The following SLC30A9 variants were observed in gnomAD, a reference collection of about 807,000 sequenced individuals.
The protein encoded by SLC30A9 is proton-coupled zinc antiporter SLC30A9, mitochondrial.
Under a neutral mutation model 87.5 loss-of-function variants are expected in SLC30A9, and 58 were observed. That is an observed-to-expected ratio of 0.66 (90% confidence interval 0.54 to 0.82). The LOEUF is 0.82. Among genes scored for constraint, SLC30A9 ranks in the 40% least tolerant of loss-of-function variants. SLC30A9 has a pLI of 0.00. For missense variants in SLC30A9, 557 were observed against 679.1 expected (o/e 0.82, Z 2.00); for synonymous variants, 234 against 233.0 (o/e 1.00, Z -0.04).
chr4:42,040,438 T>C (rs949089941), intron 8 of SLC30A9, among the ~76,000 whole-genome samples: 4 of 152,006 alleles, frequency 2.6e-5, no homozygotes, highest in Non-Finnish European at 5.9e-5. Flanking sequence ...AGTATATAGA[T>C]GATAACTAAA....
intron 9 of SLC30A9, among the ~76,000 whole-genome samples, chr4:42,055,575 A>G (rs1191348271): frequency 1.3e-5 from 2 of 152,136 alleles, no homozygotes; most frequent in Non-Finnish European, 2.9e-5. Flanking sequence ...TGCAGTACAG[A>G]CAGGGTTTCA....
At chr4:42,056,280 A>G (rs1048799315) in intron 9 of SLC30A9, among the ~76,000 whole-genome samples, 4 of 152,134 alleles carry the variant, frequency 2.6e-5, no homozygotes, top group Admixed American at 2.6e-4. Context: ...TTTAATGTAC[A>G]GGTGTGTATT....
rs201202647 is a variant in SLC30A9 at position 42,033,291 on chromosome 4, CTT to C, written c.611-1983_611-1982del. 6.3e-3 allele frequency among the ~76,000 whole-genome samples: 955 copies of C among 151,742 alleles called. 5 individuals are homozygous for C. Among genetic ancestry groups the C allele is most frequent in the African/African-American group, 0.012 (515 of 41,398 alleles). ...GTCCTTTCCACTCTAAGTCCTCTCTCTTGTATAAGTAACTGTTTTAAAGTTTT... is the reference window on the plus strand; with the variant it reads ...GTCCTTTCCACTCTAAGTCCTCTCTCGTATAAGTAACTGTTTTAAAGTTTT... On this transcript the variant is annotated intron_variant, in intron 6 of 17. Coordinates refer to ENST00000264451, the MANE Select transcript of SLC30A9 (RefSeq NM_006345.4).
At chr4:42,043,071 A>G (rs1042363554) in intron 8 of SLC30A9, among the ~76,000 whole-genome samples, 1 of 152,182 alleles carries the variant, frequency 6.6e-6, no homozygotes, top group Non-Finnish European at 1.5e-5. Context: ...CCCCATCCAA[A>G]AGTCACCAAC....
intron 9 of SLC30A9, among the ~76,000 whole-genome samples, chr4:42,059,311 A>G (rs995515754): frequency 1.3e-5 from 2 of 152,200 alleles, no homozygotes; most frequent in African/African-American, 2.4e-5. Context: ...AGGTAGTCTT[A>G]TGATGTGATT....
chr4:42,063,022 A>C lies in SLC30A9; in HGVS notation c.933A>C (p.Leu311=). The C allele has an allele frequency of 6.2e-7, 1 of 1,613,324 alleles. No homozygotes were observed. The highest frequency in any genetic ancestry group is 1.1e-5 in the South Asian group (1 of 91,028). ...GFSNMRYISS[L]ISGVGIFMMG... ...CAAATATGCGCTATATTTCTTCGCT[A>C]ATTAGTGGTGTTGGTATTTTCATGA... The change falls in exon 11 of 18, where the codon CTA becomes CTC. Residue 311 remains leucine (L), a synonymous_variant. Transcript: ENST00000264451.
intron 4 of SLC30A9, 183 bp downstream of exon 4, chr4:42,020,698 C>T: frequency 2.2e-6 from 1 of 464,762 alleles, no homozygotes; most frequent in South Asian, 3.9e-5. Context: ...AAACTGAATC[C>T]TGCCCCAGCA....
intron 9 of SLC30A9, among the ~76,000 whole-genome samples, chr4:42,056,019 A>G (rs1005720073): frequency 2.0e-5 from 3 of 152,262 alleles, no homozygotes; most frequent in Admixed American, 1.3e-4. Flanking sequence ...AAGGATACAT[A>G]TCAAATATAA....
At position 42,033,749 on chromosome 4, in the gene SLC30A9, G is replaced by A. The variant is rs924768272; in HGVS notation, c.611-1526G>A. Among the ~76,000 whole-genome samples, 3 of 152,202 alleles carry A rather than the reference G, an allele frequency of 2.0e-5. No homozygotes were observed. The East Asian group carries it at 5.8e-4, about 29-fold the overall frequency. ...TGCCACCATGCCTGGCTAATTTTTT[G>A]TATTTTTAGTAGAGACGGGGTTTCA... On this transcript the variant is annotated intron_variant, in intron 6 of 17. Transcript: ENST00000264451.
intron 13 of SLC30A9, among the ~76,000 whole-genome samples, chr4:42,066,869 A>G (rs532107740): frequency 6.6e-6 from 1 of 152,324 alleles, no homozygotes; most frequent in African/African-American, 2.4e-5. Context: ...ATATAACTTG[A>G]GAAAGTAATT....
At chr4:42,074,380 T>G (rs1214311336) in intron 15 of SLC30A9, among the ~76,000 whole-genome samples, 1 of 152,142 alleles carries the variant, frequency 6.6e-6, no homozygotes, top group Non-Finnish European at 1.5e-5. Flanking sequence ...TTCAGAGTGT[T>G]TTGTTATTTC....
At position 42,089,304 on chromosome 4, in the gene SLC30A9, C is replaced by T. The variant is rs1466278659; in HGVS notation, c.*3178C>T. 1 of 152,174 alleles carries T rather than the reference C, an allele frequency of 6.6e-6. No homozygotes were observed. The highest frequency in any genetic ancestry group is 6.6e-5 in the Admixed American group (1 of 15,260). 9.4% of individuals were successfully genotyped at this position (152,174 alleles called of 1,614,324 possible). On this transcript the variant is annotated 3_prime_UTR_variant, in exon 18 of 18. Transcript: ENST00000264451. Reference sequence around the variant, plus strand: ...AATAATAAGTAAAAAGCATCTGTACCTACTTTTAGCTTTGGCTGAGAATGG... The same window carrying T: ...AATAATAAGTAAAAAGCATCTGTACTTACTTTTAGCTTTGGCTGAGAATGG...
chr4:42,037,045 A>G (rs1192533414), intron 7 of SLC30A9, among the ~76,000 whole-genome samples: 4 of 143,300 alleles, frequency 2.8e-5, no homozygotes, highest in Admixed American at 7.5e-5. Flanking sequence ...CAACTTTTGA[A>G]TATTCCATGT....
At position 42,040,811 on chromosome 4, in the gene SLC30A9, GA is replaced by G. The variant is rs1369965987; in HGVS notation, c.737+1763del. 3.8e-3 allele frequency among the ~76,000 whole-genome samples: 39 copies of G among 10,146 alleles called. 1 individual carries two copies. The highest frequency in any genetic ancestry group is 0.017 in the Admixed American group (10 of 598). The allele number at this position is 10,146 out of a possible 152,430, so 6.7% of individuals were successfully genotyped here. On this transcript the variant is annotated intron_variant, in intron 8 of 17. Coordinates refer to ENST00000264451, the MANE Select transcript of SLC30A9 (RefSeq NM_006345.4). ...ACTCTGTCTCAAAAAAAAAAAAAAAGAAAAAGAAAAAGGTGGAGGAAAAAGT... is the reference window on the plus strand; with the variant it reads ...ACTCTGTCTCAAAAAAAAAAAAAAAGAAAAGAAAAAGGTGGAGGAAAAAGT...
intron 10 of SLC30A9, 94 bp downstream of exon 10, chr4:42,060,340 C>A: frequency 2.1e-6 from 2 of 940,718 alleles, no homozygotes; most frequent in Non-Finnish European, 1.7e-6. Context: ...TATGTACCTG[C>A]AGTTTGTTCA....
intron 6 of SLC30A9, chr4:42,029,593 G>A: frequency 1.4e-6 from 1 of 701,560 alleles, no homozygotes. Flanking sequence ...TGAAAATTGT[G>A]ACAATGTGCC....
Position 42,086,452 on chromosome 4 carries a change from C to G in SLC30A9, c.*326C>G. ...TATACTGTACTTTGCAATCATCTTT[C>G]CTTTTTTCACATTGGTAAAAATAAG... is the stretch of plus-strand genomic sequence containing the variant. On this transcript the variant is annotated 3_prime_UTR_variant, in exon 18 of 18. Transcript: ENST00000264451. 5.0e-6 allele frequency: 1 copy of G among 199,726 alleles called. No individual in the cohort carries two copies. The allele number at this position is 199,726 out of a possible 1,614,324, so 12.4% of individuals were successfully genotyped here.
At chr4:42,036,671 A>G (rs1180580395) in intron 7 of SLC30A9, among the ~76,000 whole-genome samples, 5 of 152,228 alleles carry the variant, frequency 3.3e-5, no homozygotes, top group Non-Finnish European at 5.9e-5. Context: ...GGCAGTGATG[A>G]TAATTTTAGC....
intron 14 of SLC30A9, among the ~76,000 whole-genome samples, chr4:42,069,202 T>G (rs1166621312): frequency 6.6e-6 from 1 of 152,228 alleles, no homozygotes. Flanking sequence ...ATGTCAACTT[T>G]GAATAATTTA....
Sources: allele counts gnomAD v4.1 joint callset (sites outside exome capture counted in the v4.1 genomes callset), GRCh38; gene constraint gnomAD v4.1.1; transcripts MANE v1.5; gene names NCBI Gene and HGNC (gene_info 2026-07-23, HGNC 2026-07-21).